Variants in CXXC5 observed in about 807,000 individuals in gnomAD.
CXXC5 encodes CXXC-type zinc finger protein 5.
A neutral mutation model predicts 17.6 loss-of-function variants in CXXC5; 2 were observed. The observed-to-expected ratio is 0.11, with a 90% CI of 0.05 to 0.36. The LOEUF is 0.36. CXXC5 is among the 10% of genes least tolerant of loss of function. The pLI is 1.00. For synonymous variants in CXXC5, 171 were observed against 193.0 expected (o/e 0.89, Z 0.94); for missense variants, 343 against 458.3 (o/e 0.75, Z 2.30).
upstream of CXXC5, chr5:139,648,076 G>A (rs1754958107): frequency 7.3e-6 from 1 of 136,634 alleles, no homozygotes; most frequent in Admixed American, 7.7e-5. Flanking sequence ...TTGTAAAGTT[G>A]CGGGAAATAG....
In CXXC5 at chr5:139,661,813, T is replaced by C. The variant is rs1482146865; in HGVS notation, c.-161+12968T>C. Among the ~76,000 whole-genome samples, 1 of 152,074 alleles carries C rather than the reference T, an allele frequency of 6.6e-6. No homozygotes were observed. Among genetic ancestry groups the C allele is most frequent in the East Asian group, 1.9e-4 (1 of 5,186 alleles). On this transcript the variant is annotated intron_variant, in intron 1 of 2. Coordinates refer to ENST00000302517, the MANE Select transcript of CXXC5 (RefSeq NM_016463.9). The surrounding 1 kb of genome is among the most constrained non-coding windows in gnomAD (Gnocchi z 4.7). The stretch of plus-strand genomic sequence containing the variant: ...TCCACCGGGTTCTGCAAGGTGTGGG[T>C]GGGGAAGTGGAGATGGTTTTTTCCC...
At chr5:139,651,467 C>A (rs1316127160) in intron 1 of CXXC5, among the ~76,000 whole-genome samples, 2 of 152,160 alleles carry the variant, frequency 1.3e-5, no homozygotes, top group Admixed American at 6.5e-5. Flanking sequence ...GCCCATGTTC[C>A]ATGGGTTCCC....
At chr5:139,660,983 G>A (rs1755772243) in intron 1 of CXXC5, among the ~76,000 whole-genome samples, 1 of 151,946 alleles carries the variant, frequency 6.6e-6, no homozygotes, top group African/African-American at 2.4e-5. Context: ...CCCAGCTCAG[G>A]TTTCGATGAA....
chr5:139,672,780 C>A (rs575834316), intron 1 of CXXC5, among the ~76,000 whole-genome samples: 8 of 152,108 alleles, frequency 5.3e-5, no homozygotes, highest in Non-Finnish European at 1.0e-4. Flanking sequence ...GGCTTAGTGG[C>A]GGAAAGAGCT....
In CXXC5 at chr5:139,674,285, A is replaced by G. The variant is rs202228658; in HGVS notation, c.-160-6079A>G. On this transcript the variant is annotated intron_variant, in intron 1 of 2. Coordinates refer to ENST00000302517, the MANE Select transcript of CXXC5 (RefSeq NM_016463.9). Reference sequence around the variant, plus strand: ...CACCCTCCCTTCCACCCCATTGCCCAGCTTGGTTCAACCACCATAGCCTGT... The same window carrying G: ...CACCCTCCCTTCCACCCCATTGCCCGGCTTGGTTCAACCACCATAGCCTGT... Among the ~76,000 whole-genome samples, 488 of 152,302 alleles carry G rather than the reference A, an allele frequency of 3.2e-3. 3 individuals are homozygous for G. The highest frequency in any genetic ancestry group is 0.011 in the African/African-American group (460 of 41,556).
At chr5:139,667,877 T>G (rs1756197313) in intron 1 of CXXC5, among the ~76,000 whole-genome samples, 1 of 152,200 alleles carries the variant, frequency 6.6e-6, no homozygotes, top group African/African-American at 2.4e-5. Context: ...TTGTTATCAT[T>G]ACATTATTAT....
intron 1 of CXXC5, among the ~76,000 whole-genome samples, chr5:139,665,403 C>T (rs1296633371): frequency 6.6e-6 from 1 of 152,228 alleles, no homozygotes; most frequent in African/African-American, 2.4e-5. Context: ...TCTCCCAGAG[C>T]CCCCACCTCC....
At chr5:139,660,666 T>G (rs1465365941) in intron 1 of CXXC5, among the ~76,000 whole-genome samples, 5 of 150,262 alleles carry the variant, frequency 3.3e-5, no homozygotes, top group Middle Eastern at 3.4e-3. Context: ...AGTGGGCTCC[T>G]CAGCCTTCCC....
chr5:139,657,675 T>C (rs1264944498), intron 1 of CXXC5, among the ~76,000 whole-genome samples: 3 of 152,184 alleles, frequency 2.0e-5, no homozygotes, highest in Non-Finnish European at 4.4e-5. Context: ...TCCTATCTTC[T>C]TTGAGGACCA....
intron 1 of CXXC5, among the ~76,000 whole-genome samples, chr5:139,678,950 C>G (rs1757025301): frequency 1.3e-5 from 2 of 152,218 alleles, no homozygotes; most frequent in South Asian, 4.1e-4. Flanking sequence ...CCGCCTTGCT[C>G]CATCTGGCCC....
chr5:139,661,917 G>C lies in CXXC5; in HGVS notation c.-161+13072G>C, dbSNP rs1223700441. Among the ~76,000 whole-genome samples, 1 of 152,266 alleles carries C rather than the reference G, an allele frequency of 6.6e-6. No individual in the cohort carries two copies. The highest frequency in any genetic ancestry group is 1.5e-5 in the Non-Finnish European group (1 of 68,040). The stretch of plus-strand genomic sequence containing the variant: ...AGAGTGTTAAACCCACTGCCCTCTA[G>C]TACGGGGCCTCTGGCCCAGGCAGAG... On this transcript the variant is annotated intron_variant, in intron 1 of 2. Coordinates refer to ENST00000302517, the MANE Select transcript of CXXC5 (RefSeq NM_016463.9). The surrounding 1 kb of genome is among the most constrained non-coding windows in gnomAD (Gnocchi z 4.7).
At position 139,681,240 on chromosome 5, in the gene CXXC5, C is replaced by G; in HGVS notation, c.717C>G (p.Gly239=). 6.2e-7 allele frequency: 1 copy of G among 1,611,974 alleles called. No homozygotes were observed. The highest frequency in any genetic ancestry group is 8.5e-7 in the Non-Finnish European group (1 of 1,179,390). ...FLAESALHMA[G]LAEYPMQGEL... ...CCGAGAGCGCGCTGCACATGGCGGGCCTGGCTGAGTACCCCATGCAGGGAG... is the reference window on the plus strand; with the variant it reads ...CCGAGAGCGCGCTGCACATGGCGGGGCTGGCTGAGTACCCCATGCAGGGAG... Residue 239 remains glycine, a synonymous_variant, in exon 2 of 3, where the codon GGC becomes GGG. Coordinates refer to ENST00000302517, the MANE Select transcript of CXXC5 (RefSeq NM_016463.9).
At chr5:139,665,443 C>G (rs1238214191) in intron 1 of CXXC5, 1 of 152,266 alleles carries the variant, frequency 6.6e-6, no homozygotes, top group African/African-American at 2.4e-5. Context: ...TCTCAGCCCC[C>G]TCCTTTCCCA....
chr5:139,656,318 G>A (rs1300236746), intron 1 of CXXC5, among the ~76,000 whole-genome samples: 1 of 152,244 alleles, frequency 6.6e-6, no homozygotes, highest in African/African-American at 2.4e-5. Context: ...GCTCTGCTGT[G>A]ATCACTGGCA....
chr5:139,660,482 T>C (rs1755735210), intron 1 of CXXC5, among the ~76,000 whole-genome samples: 1 of 152,124 alleles, frequency 6.6e-6, no homozygotes, highest in Non-Finnish European at 1.5e-5. Flanking sequence ...TTTGGGGTGC[T>C]CTGGGGAGGG....
At chr5:139,650,014 TG>T (rs1285452374) in intron 1 of CXXC5, among the ~76,000 whole-genome samples, 1 of 152,190 alleles carries the variant, frequency 6.6e-6, no homozygotes, top group Non-Finnish European at 1.5e-5. Flanking sequence ...GGTTTTTAAA[TG>T]GGGGGCCACC....
chr5:139,652,822 GGA>G (rs1402615710), intron 1 of CXXC5, among the ~76,000 whole-genome samples: 1 of 152,144 alleles, frequency 6.6e-6, no homozygotes, highest in Non-Finnish European at 1.5e-5. Flanking sequence ...TTGGAATTTT[GGA>G]GAGTTTGGAT....
intron 1 of CXXC5, among the ~76,000 whole-genome samples, chr5:139,664,730 C>T (rs973665517): frequency 6.6e-5 from 10 of 152,164 alleles, no homozygotes; most frequent in African/African-American, 2.2e-4. Context: ...GCTCCTGTAG[C>T]CCTGACACCT....
At chr5:139,659,088 C>T (rs1377294071) in intron 1 of CXXC5, among the ~76,000 whole-genome samples, 1 of 152,174 alleles carries the variant, frequency 6.6e-6, no homozygotes, top group Non-Finnish European at 1.5e-5. Flanking sequence ...CTCTCCCTGA[C>T]CTTGGTTTGC....
Sources: allele counts gnomAD v4.1 joint callset (sites outside exome capture counted in the v4.1 genomes callset), GRCh38; gene constraint gnomAD v4.1.1; non-coding constraint Gnocchi (gnomAD v3.1); transcripts MANE v1.5; gene names NCBI Gene and HGNC (gene_info 2026-07-23, HGNC 2026-07-21).